PCDHGB4: variants seen among roughly 807,000 people sequenced by gnomAD.
PCDHGB4 encodes the protein protocadherin gamma subfamily B, 4, also known as protocadherin gamma-B4.
PCDHGB4 carries 38 observed loss-of-function variants against 60.5 expected under a neutral mutation model. The ratio of observed to expected loss-of-function variants is 0.63; its 90% CI spans 0.48 to 0.82. The LOEUF is 0.82. PCDHGB4 is among the 40% of genes least tolerant of loss of function. PCDHGB4 has a pLI of 0.00. For missense variants in PCDHGB4, 1,109 were observed against 1,209.6 expected, an observed-to-expected ratio of 0.92 and a Z score of 1.23; for synonymous variants, 456 against 509.7, an observed-to-expected ratio of 0.89 and a Z score of 1.42.
rs2233612 is a variant in PCDHGB4 at position 141,511,014 on chromosome 5, A to G, written c.2613A>G (p.Gly871=). 8.6e-4 allele frequency: 1,386 copies of G among 1,614,082 alleles called. 14 individuals are homozygous for G. The African/African-American group carries it at 0.017, about 20-fold the overall frequency. The change falls in exon 4 of 4, where the codon GGA becomes GGG. Residue 871 remains glycine, a synonymous_variant. Coordinates refer to ENST00000519479, the MANE Select transcript of PCDHGB4 (RefSeq NM_003736.4). ...AGTMGLSARY[G]PQFTLQHVPD... ...CCATGGGATTGAGCGCCCGCTACGG[A>G]CCCCAGTTCACCCTGCAGCACGTGC...
intron 2 of PCDHGB4, among the ~76,000 whole-genome samples, chr5:141,504,909 G>C (rs948719729): frequency 6.6e-6 from 1 of 152,002 alleles, no homozygotes; most frequent in Non-Finnish European, 1.5e-5. Context: ...ACTATGACAG[G>C]AAGCCAGGCT....
chr5:141,469,112 A>T (rs1207790108), intron 1 of PCDHGB4, among the ~76,000 whole-genome samples: 1 of 151,698 alleles, frequency 6.6e-6, no homozygotes, highest in African/African-American at 2.4e-5. Flanking sequence ...ACCTGTCTCT[A>T]AAAAAATTTA....
At chr5:141,464,426 G>GAT (rs1287556960) in intron 1 of PCDHGB4, among the ~76,000 whole-genome samples, 1 of 151,096 alleles carries the variant, frequency 6.6e-6, no homozygotes, top group African/African-American at 2.4e-5. Flanking sequence ...TATATATATA[G>GAT]ATATATATGT....
In PCDHGB4 at chr5:141,387,798, G is replaced by T; in HGVS notation, c.-87G>T. Reference sequence around the variant, plus strand: ...TGAACTGGAACTGCAACTAAAGTCCGTTCGGAGATCCAAAAATCTGCAATA... The same window carrying T: ...TGAACTGGAACTGCAACTAAAGTCCTTTCGGAGATCCAAAAATCTGCAATA... On this transcript the variant is annotated 5_prime_UTR_variant, in exon 1 of 4. Coordinates refer to ENST00000519479, the MANE Select transcript of PCDHGB4 (RefSeq NM_003736.4). 1 of 1,505,108 alleles carries T rather than the reference G, an allele frequency of 6.6e-7. No individual in the cohort carries two copies. The highest frequency in any genetic ancestry group is 8.9e-7 in the Non-Finnish European group (1 of 1,126,064). 93.2% of individuals were successfully genotyped at this position (1,505,108 alleles called of 1,614,324 possible). A position where few individuals can be genotyped will look rare whatever the true frequency, so the allele number is the denominator to read the frequency against.
intron 1 of PCDHGB4, chr5:141,393,958 T>C: frequency 6.2e-7 from 1 of 1,613,966 alleles, no homozygotes; most frequent in East Asian, 2.2e-5. Flanking sequence ...AATGGTCAAG[T>C]TGTCTGTTAC....
At chr5:141,418,000 G>T in intron 1 of PCDHGB4, 1 of 1,613,902 alleles carries the variant, frequency 6.2e-7, no homozygotes, top group Non-Finnish European at 8.5e-7. Context: ...GCTCGGTGGT[G>T]GGGAACCTCG....
At chr5:141,423,169 C>G (rs747206648) in intron 1 of PCDHGB4, 2 of 1,613,460 alleles carry the variant, frequency 1.2e-6, no homozygotes, top group Admixed American at 3.3e-5. Context: ...GGTGGCCGTC[C>G]AGGACCACGG....
rs370432555 is a variant in PCDHGB4 at position 141,388,865 on chromosome 5, G to A, written c.981G>A (p.Ala327=). The change falls in exon 1 of 4, where the codon GCG becomes GCA. Residue 327 remains alanine, a synonymous_variant. Transcript: ENST00000519479. The part of the protein sequence containing the change: ...LEARDGGGMI[A]QCTVEVEVID... Reference sequence around the variant, plus strand: ...CAAGGGACGGTGGAGGAATGATTGCGCAATGCACAGTGGAGGTAGAAGTCA... The same window carrying A: ...CAAGGGACGGTGGAGGAATGATTGCACAATGCACAGTGGAGGTAGAAGTCA... 10 of 1,613,808 alleles carry A rather than the reference G, an allele frequency of 6.2e-6. No homozygotes were observed. In the East Asian group the frequency reaches 6.7e-5, roughly 11 times the overall value.
chr5:141,482,574 A>C (rs1294997781), intron 1 of PCDHGB4, among the ~76,000 whole-genome samples: 2 of 151,592 alleles, frequency 1.3e-5, no homozygotes, highest in Non-Finnish European at 2.9e-5. Context: ...GCATAGCATA[A>C]GATGCAGTGG....
At chr5:141,411,732 A>C (rs1437829295) in intron 1 of PCDHGB4, 4 of 152,694 alleles carry the variant, frequency 2.6e-5, no homozygotes, top group African/African-American at 9.7e-5. Flanking sequence ...ACATTTAAAA[A>C]TTAGCAGGGT....
At chr5:141,472,411 C>T (rs747412647) in intron 1 of PCDHGB4, among the ~76,000 whole-genome samples, 9 of 151,918 alleles carry the variant, frequency 5.9e-5, no homozygotes, top group Admixed American at 3.3e-4. Flanking sequence ...CGTGGTGGCA[C>T]GCACCTGTAT....
intron 1 of PCDHGB4, among the ~76,000 whole-genome samples, chr5:141,445,711 G>A (rs978623618): frequency 1.3e-5 from 2 of 152,202 alleles, no homozygotes; most frequent in African/African-American, 4.8e-5. Context: ...TTGTCAGGCA[G>A]AGGAAATAGC....
intron 1 of PCDHGB4, chr5:141,409,251 C>T (rs2095247124): frequency 6.2e-7 from 1 of 1,613,922 alleles, no homozygotes; most frequent in Non-Finnish European, 8.5e-7. Context: ...ATAATCATCA[C>T]TTCTCTCTCT....
Position 141,398,941 on chromosome 5 carries a change from G to A in PCDHGB4, c.2397+8660G>A. 4.3e-6 allele frequency: 7 copies of A among 1,613,890 alleles called. No homozygotes were observed. The highest frequency in any genetic ancestry group is 5.9e-6 in the Non-Finnish European group (7 of 1,179,892). ...AGTGTCAGCCACTGACCAAGACGAG[G>A]GCATCAACTCAGAAATTACTTATTC... is the stretch of plus-strand genomic sequence containing the variant. On this transcript the variant is annotated intron_variant, in intron 1 of 3. Transcript: ENST00000519479.
chr5:141,503,130 C>A (rs1406819266), intron 2 of PCDHGB4, among the ~76,000 whole-genome samples: 1 of 151,980 alleles, frequency 6.6e-6, no homozygotes, highest in Non-Finnish European at 1.5e-5. Context: ...CCTCTGGTAG[C>A]CCCTGACACA....
chr5:141,423,516 C>T (rs2096749721), intron 1 of PCDHGB4: 1 of 1,613,732 alleles, frequency 6.2e-7, no homozygotes, highest in Non-Finnish European at 8.5e-7. Flanking sequence ...TCATTGCGGA[C>T]TCGCAGAAGA....
intron 1 of PCDHGB4, chr5:141,415,853 GTAGT>G: frequency 2.5e-6 from 3 of 1,186,350 alleles, no homozygotes; most frequent in Non-Finnish European, 3.3e-6. Context: ...GCAGAACCTT[GTAGT>G]TTATAGTGTT....
intron 1 of PCDHGB4, among the ~76,000 whole-genome samples, chr5:141,488,600 A>G (rs2099677400): frequency 6.6e-6 from 1 of 152,166 alleles, no homozygotes; most frequent in Admixed American, 6.5e-5. Flanking sequence ...AAGACTTTAC[A>G]AGGTTCTTAC....
At chr5:141,401,721 C>T (rs2094186897) in intron 1 of PCDHGB4, among the ~76,000 whole-genome samples, 1 of 152,142 alleles carries the variant, frequency 6.6e-6, no homozygotes, top group Non-Finnish European at 1.5e-5. Flanking sequence ...AAGACAAAAA[C>T]TACTAGTCTT....
Sources: gnomAD v4.1 joint callset for allele counts (sites outside exome capture counted in the v4.1 genomes callset) on GRCh38, gnomAD v4.1.1 for gene constraint, MANE v1.5 for transcripts, NCBI Gene and HGNC (gene_info 2026-07-23, HGNC 2026-07-21) for gene names.